UBE2H: variants seen among roughly 807,000 people sequenced by gnomAD.
The protein encoded by UBE2H is ubiquitin conjugating enzyme E2 H.
In UBE2H, 3 loss-of-function variants were observed where a neutral mutation model predicts 29.0. The observed-to-expected ratio is 0.10, with a 90% CI of 0.05 to 0.27. The LOEUF is 0.27. UBE2H is among the 10% of genes least tolerant of loss of function. The pLI is 1.00. For missense variants in UBE2H, 68 were observed against 228.2 expected (o/e 0.30, Z 4.52); for synonymous variants, 69 against 82.9 (o/e 0.83, Z 0.91).
chr7:129,897,087 A>AT (rs1431934509), intron 1 of UBE2H, among the ~76,000 whole-genome samples: 1 of 152,186 alleles, frequency 6.6e-6, no homozygotes, highest in Non-Finnish European at 1.5e-5. Flanking sequence ...CCCCAAAGTC[A>AT]TGGAGCCACT....
intron 5 of UBE2H, among the ~76,000 whole-genome samples, chr7:129,855,854 A>G (rs1468700216): frequency 6.6e-6 from 1 of 152,128 alleles, no homozygotes; most frequent in Non-Finnish European, 1.5e-5. Flanking sequence ...CTATTATCGC[A>G]CCACTGCATT....
intron 1 of UBE2H, among the ~76,000 whole-genome samples, chr7:129,945,409 A>G (rs566410626): frequency 2.4e-4 from 37 of 152,324 alleles, no homozygotes; most frequent in African/African-American, 8.2e-4. Flanking sequence ...ATTGAGGATC[A>G]CCATTATCAC....
intron 5 of UBE2H, among the ~76,000 whole-genome samples, chr7:129,851,366 G>A (rs1303071950): frequency 6.6e-6 from 1 of 152,204 alleles, no homozygotes; most frequent in Non-Finnish European, 1.5e-5. Context: ...TTCCAGAAAT[G>A]AGGGCAGTTA....
chr7:129,939,171 G>C (rs1030922954), intron 1 of UBE2H, among the ~76,000 whole-genome samples: 12 of 152,096 alleles, frequency 7.9e-5, no homozygotes, highest in African/African-American at 2.9e-4. Context: ...AAAAGTGACT[G>C]TTTTTTTAAT....
chr7:129,946,657 G>GT (rs1419529750), intron 1 of UBE2H, among the ~76,000 whole-genome samples: 2 of 152,046 alleles, frequency 1.3e-5, no homozygotes, highest in Non-Finnish European at 2.9e-5. Context: ...TTTGTTTTTT[G>GT]TTTTTTGAGA....
At chr7:129,934,858 G>T (rs1807489176) in intron 1 of UBE2H, among the ~76,000 whole-genome samples, 1 of 151,264 alleles carries the variant, frequency 6.6e-6, no homozygotes, top group South Asian at 2.1e-4. Context: ...CTTGAGGTCA[G>T]GAGTTCAAAA....
intron 3 of UBE2H, among the ~76,000 whole-genome samples, chr7:129,866,709 C>T (rs141425082): frequency 3.0e-4 from 45 of 152,200 alleles, no homozygotes; most frequent in African/African-American, 8.7e-4. Flanking sequence ...GCACATGTAC[C>T]CCAAAAATGT....
intron 1 of UBE2H, among the ~76,000 whole-genome samples, chr7:129,924,708 G>A (rs1807229954): frequency 1.3e-5 from 2 of 151,846 alleles, no homozygotes; most frequent in Admixed American, 6.6e-5. Flanking sequence ...AAGTTGGAGA[G>A]ACTTAAAATC....
intron 1 of UBE2H, among the ~76,000 whole-genome samples, chr7:129,898,710 GCAAT>G (rs1806647796): frequency 6.6e-6 from 1 of 152,080 alleles, no homozygotes; most frequent in Non-Finnish European, 1.5e-5. Context: ...ATGTGCTGGT[GCAAT>G]CAGAGGGCAC....
At chr7:129,952,203 T>C (rs1416418255) in intron 1 of UBE2H, among the ~76,000 whole-genome samples, 1 of 150,080 alleles carries the variant, frequency 6.7e-6, no homozygotes, top group East Asian at 2.0e-4. Context: ...CGACTGGTCG[T>C]GCAAAAAGAA....
At position 129,834,853 on chromosome 7, in the gene UBE2H, T is replaced by C. The variant is rs750518315; in HGVS notation, c.*84A>G. On this transcript the variant is annotated 3_prime_UTR_variant, in exon 7 of 7. Coordinates refer to ENST00000355621, the MANE Select transcript of UBE2H (RefSeq NM_003344.4). ...AAACCTTGTTTAGTAATAAAAAAAA[T>C]TGCTTTGTTTAAATATGAATATTAT... The C allele has an allele frequency of 8.2e-5, 125 of 1,526,508 alleles. No homozygotes were observed. Among genetic ancestry groups the C allele is most frequent in the Non-Finnish European group, 9.1e-5 (104 of 1,136,658 alleles). The allele number at this position is 1,526,508 out of a possible 1,614,324, so 94.6% of individuals were successfully genotyped here.
intron 5 of UBE2H, among the ~76,000 whole-genome samples, chr7:129,852,647 A>G (rs866428910): frequency 6.6e-6 from 1 of 152,338 alleles, no homozygotes; most frequent in African/African-American, 2.4e-5. Flanking sequence ...TCCACTGGCT[A>G]GCAACCCTAA....
intron 1 of UBE2H, among the ~76,000 whole-genome samples, chr7:129,895,468 C>T (rs1414190683): frequency 2.0e-5 from 3 of 152,136 alleles, no homozygotes; most frequent in Non-Finnish European, 4.4e-5. Flanking sequence ...TGAAAACTTC[C>T]AAGTCATAGG....
intron 3 of UBE2H, among the ~76,000 whole-genome samples, chr7:129,870,344 G>T (rs1806003424): frequency 6.6e-6 from 1 of 152,194 alleles, no homozygotes; most frequent in African/African-American, 2.4e-5. Context: ...GGCCAGGCAT[G>T]GTGGCTCACA....
chr7:129,900,641 T>TTC (rs1341460199), intron 1 of UBE2H, among the ~76,000 whole-genome samples: 1 of 152,182 alleles, frequency 6.6e-6, no homozygotes, highest in Non-Finnish European at 1.5e-5. Context: ...TTATTATACT[T>TTC]TAAGTTTTAG....
At chr7:129,878,873 C>T (rs1806200710) in intron 3 of UBE2H, among the ~76,000 whole-genome samples, 1 of 129,464 alleles carries the variant, frequency 7.7e-6, no homozygotes, top group Admixed American at 7.8e-5. Flanking sequence ...AAAAAAAAAG[C>T]TGGCTTAAAT....
intron 1 of UBE2H, among the ~76,000 whole-genome samples, chr7:129,887,259 C>T (rs938993549): frequency 9.5e-5 from 14 of 147,340 alleles, no homozygotes; most frequent in South Asian, 2.1e-4. Context: ...TCTTGCTCTG[C>T]CACCCAGGCT....
intron 1 of UBE2H, among the ~76,000 whole-genome samples, chr7:129,948,756 T>C (rs923226516): frequency 2.0e-5 from 3 of 152,228 alleles, no homozygotes; most frequent in South Asian, 2.1e-4. Flanking sequence ...ATTGTACATA[T>C]GGTGTATGCC....
chr7:129,938,332 C>A (rs1180879461), intron 1 of UBE2H, among the ~76,000 whole-genome samples: 1 of 144,520 alleles, frequency 6.9e-6, no homozygotes, highest in Non-Finnish European at 1.5e-5. Flanking sequence ...TTGCTTTGCA[C>A]CCAGGAGGTC....
Sources: allele counts gnomAD v4.1 joint callset (sites outside exome capture counted in the v4.1 genomes callset), GRCh38; gene constraint gnomAD v4.1.1; transcripts MANE v1.5; gene names NCBI Gene and HGNC (gene_info 2026-07-23, HGNC 2026-07-21).